The following SPPL3 variants were observed in gnomAD, a reference collection of about 807,000 sequenced individuals.
The protein encoded by SPPL3 is signal peptide peptidase like 3.
Under a neutral mutation model 42.4 loss-of-function variants are expected in SPPL3, and 5 were observed. The ratio of observed to expected loss-of-function variants is 0.12; its 90% CI spans 0.06 to 0.25. The LOEUF is 0.25. Ranked by LOEUF, SPPL3 falls within the 10% of genes least tolerant of loss-of-function variation. SPPL3 has a pLI of 1.00. For synonymous variants in SPPL3, 195 were observed against 181.8 expected (o/e 1.07, Z -0.58); for missense variants, 235 against 489.0 (o/e 0.48, Z 4.90).
At chr12:120,839,361 G>C (rs1377582063) in intron 1 of SPPL3, among the ~76,000 whole-genome samples, 4 of 113,360 alleles carry the variant, frequency 3.5e-5, no homozygotes, top group African/African-American at 1.4e-4. Context: ...CCTGTTGTGG[G>C]GTGGGGGGAG....
intron 6 of SPPL3, among the ~76,000 whole-genome samples, chr12:120,777,359 T>C (rs1869359269): frequency 6.6e-6 from 1 of 152,236 alleles, no homozygotes; most frequent in African/African-American, 2.4e-5. Flanking sequence ...TTCCTTAATA[T>C]TGTATAACAC....
At chr12:120,768,282 G>A in intron 8 of SPPL3, 43 bp downstream of exon 8, 1 of 1,577,684 alleles carries the variant, frequency 6.3e-7, no homozygotes, top group Admixed American at 1.8e-5. Flanking sequence ...GAACAGATAG[G>A]CACAGGAAGA....
At chr12:120,850,640 T>C (rs1253397236) in intron 1 of SPPL3, among the ~76,000 whole-genome samples, 6 of 152,218 alleles carry the variant, frequency 3.9e-5, no homozygotes, top group Non-Finnish European at 8.8e-5. Context: ...TAACATCCTA[T>C]ATTAGTTTCC....
At chr12:120,858,982 T>A (rs1872547232) in intron 1 of SPPL3, among the ~76,000 whole-genome samples, 1 of 152,198 alleles carries the variant, frequency 6.6e-6, no homozygotes, top group Admixed American at 6.5e-5. Flanking sequence ...ATTTAGTCAC[T>A]CTAGGGTCCT....
intron 1 of SPPL3, among the ~76,000 whole-genome samples, chr12:120,899,498 G>A (rs1212777707): frequency 2.0e-5 from 3 of 152,198 alleles, no homozygotes; most frequent in East Asian, 3.9e-4. Flanking sequence ...CAAGGTTAGT[G>A]TCATATGGTC....
chr12:120,799,830 G>T (rs1463050462), intron 2 of SPPL3, among the ~76,000 whole-genome samples: 1 of 152,120 alleles, frequency 6.6e-6, no homozygotes, highest in Non-Finnish European at 1.5e-5. Flanking sequence ...AAGGGCCTGG[G>T]CTTAGCAGAT....
At position 120,765,058 on chromosome 12, in the gene SPPL3, G is replaced by A. The variant is rs1350063287; in HGVS notation, c.1096C>T (p.Arg366Trp). Residue 366 changes from arginine (R) to tryptophan (W), a missense_variant, in exon 11 of 11, where the codon CGG (arginine) becomes TGG (tryptophan). Transcript: ENST00000353487. ...TMAYLKGDLRRMWSEPFHSKS... is the reference protein window; with the variant it reads ...TMAYLKGDLRWMWSEPFHSKS... Reference sequence around the variant, plus strand: ...GAGTGGAAAGGCTCAGACCACATCCGCCGGAGGTCGCCCTGGGAAACAAGG... The same window carrying A: ...GAGTGGAAAGGCTCAGACCACATCCACCGGAGGTCGCCCTGGGAAACAAGG... 1.2e-6 allele frequency: 2 copies of A among 1,613,506 alleles called. No homozygotes were observed. The highest frequency in any genetic ancestry group is 1.7e-6 in the Non-Finnish European group (2 of 1,179,754).
chr12:120,839,852 A>T (rs751243582), intron 1 of SPPL3, among the ~76,000 whole-genome samples: 15 of 151,236 alleles, frequency 9.9e-5, no homozygotes, highest in African/African-American at 9.7e-5. Context: ...CACATATATA[A>T]AAAAAAAATG....
chr12:120,854,998 GCAGGGAAGGGA>G (rs1872403970), intron 1 of SPPL3, among the ~76,000 whole-genome samples: 1 of 152,154 alleles, frequency 6.6e-6, no homozygotes, highest in African/African-American at 2.4e-5. Flanking sequence ...TCCACAAGGG[GCAGGGAAGGGA>G]CAGGGAAGGA....
intron 2 of SPPL3, among the ~76,000 whole-genome samples, chr12:120,809,635 C>T (rs973669551): frequency 2.6e-5 from 4 of 152,140 alleles, no homozygotes; most frequent in African/African-American, 9.7e-5. Context: ...AAGTTCCTCT[C>T]GACTGAGGAT....
At chr12:120,901,114 A>G (rs1310170292) in intron 1 of SPPL3, among the ~76,000 whole-genome samples, 3 of 152,148 alleles carry the variant, frequency 2.0e-5, no homozygotes, top group African/African-American at 7.2e-5. Flanking sequence ...AACAAAATAA[A>G]GCATCACAAG....
chr12:120,850,204 C>A (rs1872176412), intron 1 of SPPL3, among the ~76,000 whole-genome samples: 1 of 152,080 alleles, frequency 6.6e-6, no homozygotes, highest in Non-Finnish European at 1.5e-5. Context: ...TTCCAAAAAC[C>A]CTTCCCATAA....
chr12:120,787,788 A>G (rs958884818), intron 3 of SPPL3, among the ~76,000 whole-genome samples: 1 of 152,104 alleles, frequency 6.6e-6, no homozygotes, highest in Non-Finnish European at 1.5e-5. Context: ...TGAGTTATGT[A>G]GTTATTTTTT....
At chr12:120,830,770 T>C (rs1871402582) in intron 1 of SPPL3, among the ~76,000 whole-genome samples, 1 of 152,030 alleles carries the variant, frequency 6.6e-6, no homozygotes, top group African/African-American at 2.4e-5. Context: ...AGAAGTCCTA[T>C]CAGGCTGACT....
chr12:120,843,384 C>T (rs908167222), intron 1 of SPPL3, among the ~76,000 whole-genome samples: 7 of 152,256 alleles, frequency 4.6e-5, no homozygotes, highest in African/African-American at 9.6e-5. Flanking sequence ...TGAGAATGTG[C>T]GTGTCAAGAT....
intron 6 of SPPL3, among the ~76,000 whole-genome samples, chr12:120,775,042 C>T (rs750390131): frequency 3.3e-5 from 5 of 152,194 alleles, no homozygotes; most frequent in African/African-American, 1.2e-4. Flanking sequence ...ATGTTCTCTA[C>T]GAGGATGACA....
chr12:120,792,637 T>C (rs1223039217), intron 2 of SPPL3, among the ~76,000 whole-genome samples: 1 of 147,944 alleles, frequency 6.8e-6, no homozygotes, highest in East Asian at 2.0e-4. Context: ...GAGGCAGAGG[T>C]TGCAGTGAGC....
At chr12:120,799,827 T>C (rs1870228725) in intron 2 of SPPL3, among the ~76,000 whole-genome samples, 2 of 152,178 alleles carry the variant, frequency 1.3e-5, no homozygotes. Context: ...TTAAAGGGCC[T>C]GGGCTTAGCA....
Position 120,874,996 on chromosome 12 carries a change from A to T in SPPL3, c.23+28849T>A, listed in dbSNP as rs1361662235. On this transcript the variant is annotated intron_variant, in intron 1 of 10. Transcript: ENST00000353487. Reference sequence around the variant, plus strand: ...AAAATTTAGGCCACATAAAAAGGTCATGTGCACGGGTTCCGGCCAACAGAC... The same window carrying T: ...AAAATTTAGGCCACATAAAAAGGTCTTGTGCACGGGTTCCGGCCAACAGAC... Among the ~76,000 whole-genome samples, 4 of 152,206 alleles carry T rather than the reference A, an allele frequency of 2.6e-5. No homozygotes were observed. In the East Asian group the frequency reaches 7.7e-4, roughly 29 times the overall value.
Sources: gnomAD v4.1 joint callset for allele counts (sites outside exome capture counted in the v4.1 genomes callset) on GRCh38, gnomAD v4.1.1 for gene constraint, MANE v1.5 for transcripts, NCBI Gene and HGNC (gene_info 2026-07-23, HGNC 2026-07-21) for gene names.